The following CHRDL1 variants were observed in gnomAD, a reference collection of about 807,000 sequenced individuals.
CHRDL1 encodes the protein chordin-like protein 1.
Under a neutral mutation model 40.9 loss-of-function variants are expected in CHRDL1, and 19 were observed. The ratio of observed to expected loss-of-function variants is 0.46; its 90% CI spans 0.32 to 0.68. The LOEUF (loss-of-function observed/expected upper bound fraction) is 0.68, where lower values mean the gene tolerates loss of function less well. CHRDL1 is among the 30% of genes least tolerant of loss of function. The pLI is 0.03. For synonymous variants in CHRDL1, 136 were observed against 123.4 expected, an observed-to-expected ratio of 1.10 and a Z score of -0.68; for missense variants, 329 against 352.1, an observed-to-expected ratio of 0.93 and a Z score of 0.53.
chrX:110,757,181 C>A (rs1169078025), intron 4 of CHRDL1, among the ~76,000 whole-genome samples: 1 of 109,209 alleles, frequency 9.2e-6, no homozygotes, highest in East Asian at 2.9e-4. Context: ...CAATAATATA[C>A]ACCAAAGACA....
At chrX:110,774,811 G>T (rs1246350026) in intron 2 of CHRDL1, among the ~76,000 whole-genome samples, 1 of 111,671 alleles carries the variant, frequency 9.0e-6, no homozygotes, top group African/African-American at 3.3e-5. Flanking sequence ...CATCATATTA[G>T]TTAACAGGAT....
intron 1 of CHRDL1, among the ~76,000 whole-genome samples, chrX:110,794,555 A>AT (rs1381838991): frequency 8.9e-6 from 1 of 112,640 alleles, no homozygotes; most frequent in Admixed American, 9.3e-5. Context: ...AAAGAAAGGT[A>AT]TTTATTAAGG....
rs1380416401 is a variant in CHRDL1, at chrX:110,675,478, A to G, written c.*753T>C. 1 of 111,361 alleles carries G rather than the reference A, an allele frequency of 9.0e-6. No individual in the cohort carries two copies. Among genetic ancestry groups the G allele is most frequent in the Non-Finnish European group, 1.9e-5 (1 of 53,090 alleles). 9.2% of individuals were successfully genotyped at this position (111,361 alleles called of 1,213,427 possible). A position where few individuals can be genotyped will look rare whatever the true frequency, so the allele number is the denominator to read the frequency against. ...TGAATGAGGCTATGAAAGTGTTTTT[A>G]TTCTTTACCCTGACTCTATTGTTGG... On this transcript the variant is annotated 3_prime_UTR_variant, in exon 12 of 12. Coordinates refer to ENST00000372042, the MANE Select transcript of CHRDL1 (RefSeq NM_001143981.2).
At chrX:110,755,670 A>G (rs943283378) in intron 4 of CHRDL1, among the ~76,000 whole-genome samples, 5 of 112,080 alleles carry the variant, frequency 4.5e-5, no homozygotes, top group Non-Finnish European at 7.5e-5. Flanking sequence ...GTCTTTTTAT[A>G]CGGAGCTTAT....
intron 2 of CHRDL1, among the ~76,000 whole-genome samples, chrX:110,782,226 T>C (rs1457230915): frequency 8.9e-6 from 1 of 112,198 alleles, no homozygotes; most frequent in Non-Finnish European, 1.9e-5. Flanking sequence ...GTTGTACATA[T>C]CTGAATTCAC....
At chrX:110,773,685 G>T (rs1158461251) in intron 2 of CHRDL1, among the ~76,000 whole-genome samples, 1 of 94,516 alleles carries the variant, frequency 1.1e-5, no homozygotes, top group Non-Finnish European at 2.0e-5. Context: ...CCGAGATCGC[G>T]CCACTGCACT....
At chrX:110,729,932 T>C (rs1310640752) in intron 4 of CHRDL1, among the ~76,000 whole-genome samples, 2 of 112,030 alleles carry the variant, frequency 1.8e-5, no homozygotes, top group Non-Finnish European at 3.8e-5. Context: ...ACCAGGAACA[T>C]ATTAATGCCC....
At chrX:110,708,654 T>C (rs1483304397) in intron 6 of CHRDL1, among the ~76,000 whole-genome samples, 3 of 111,435 alleles carry the variant, frequency 2.7e-5, no homozygotes, top group African/African-American at 9.8e-5. Flanking sequence ...CAAAATTATT[T>C]GTCCAGAAAA....
intron 2 of CHRDL1, among the ~76,000 whole-genome samples, chrX:110,769,507 G>A (rs960606053): frequency 2.7e-5 from 3 of 112,618 alleles, no homozygotes; most frequent in Non-Finnish European, 5.6e-5. Context: ...AGGCAAGTCA[G>A]AAAAGAAGAA....
At chrX:110,715,645 T>C (rs2070827936) in intron 6 of CHRDL1, among the ~76,000 whole-genome samples, 1 of 112,293 alleles carries the variant, frequency 8.9e-6, no homozygotes, top group South Asian at 3.7e-4. Flanking sequence ...CTTTGCATTA[T>C]ACCGTATTGC....
rs146052801 is a variant in CHRDL1, at chrX:110,769,533, G to A, written c.95-6726C>T. ...AAAAGAAGAAATTGGAACAGACAAC[G>A]TATTAGTCCATTTTCATGCTGCTGA... is the stretch of plus-strand genomic sequence containing the variant. On this transcript the variant is annotated intron_variant, in intron 2 of 11. Transcript: ENST00000372042. Among the ~76,000 whole-genome samples, 412 of 112,333 alleles carry A rather than the reference G, an allele frequency of 3.7e-3. 2 individuals are homozygous for A. The highest frequency in any genetic ancestry group is 0.013 in the African/African-American group (393 of 30,950).
chrX:110,689,608 ATATATC>A (rs749074018), intron 8 of CHRDL1, among the ~76,000 whole-genome samples: 1 of 35,891 alleles, frequency 2.8e-5, no homozygotes, highest in African/African-American at 3.2e-4. Context: ...ATATATATCT[ATATATC>A]TATATATCTA....
intron 7 of CHRDL1, among the ~76,000 whole-genome samples, chrX:110,699,165 C>T (rs1220870715): frequency 8.9e-6 from 1 of 111,980 alleles, no homozygotes; most frequent in Non-Finnish European, 1.9e-5. Flanking sequence ...TGCAACTATT[C>T]AGAAACAGCA....
chrX:110,764,149 C>T (rs2089617473), intron 2 of CHRDL1, among the ~76,000 whole-genome samples: 1 of 111,558 alleles, frequency 9.0e-6, no homozygotes, highest in African/African-American at 3.3e-5. Context: ...AGTCCTTTGT[C>T]AGATGTATAG....
At chrX:110,700,868 G>A (rs1603155928) in intron 6 of CHRDL1, 147 bp from the exon 7 acceptor site, 1 of 417,090 alleles carries the variant, frequency 2.4e-6, no homozygotes, top group East Asian at 3.9e-5. Context: ...AAAAGCGGCT[G>A]TGAAAGATTT....
chrX:110,758,150 A>C (rs2089491071), intron 4 of CHRDL1, among the ~76,000 whole-genome samples: 1 of 109,185 alleles, frequency 9.2e-6, no homozygotes, highest in African/African-American at 3.3e-5. Context: ...AAAAACAAAG[A>C]AGCTCTCCAG....
chrX:110,792,532 AT>A (rs1240146385), intron 1 of CHRDL1, among the ~76,000 whole-genome samples: 1 of 112,120 alleles, frequency 8.9e-6, no homozygotes, highest in African/African-American at 3.2e-5. Context: ...TTCTCAAGAG[AT>A]TTTTTTGGGA....
At chrX:110,704,643 T>C (rs1339090471) in intron 6 of CHRDL1, among the ~76,000 whole-genome samples, 1 of 111,505 alleles carries the variant, frequency 9.0e-6, no homozygotes, top group Non-Finnish European at 1.9e-5. Flanking sequence ...CTGACAACTC[T>C]TGGGTTGCAA....
chrX:110,770,169 A>G (rs1417621623), intron 2 of CHRDL1, among the ~76,000 whole-genome samples: 2 of 112,446 alleles, frequency 1.8e-5, no homozygotes, highest in African/African-American at 6.5e-5. Flanking sequence ...TCTGTGAAAT[A>G]TTATGTTTCT....
Sources: gnomAD v4.1 joint callset for allele counts (sites outside exome capture counted in the v4.1 genomes callset) on GRCh38, gnomAD v4.1.1 for gene constraint, MANE v1.5 for transcripts, NCBI Gene and HGNC (gene_info 2026-07-23, HGNC 2026-07-21) for gene names.